The following DEPTOR variants were observed in gnomAD, a reference collection of about 807,000 sequenced individuals.
DEPTOR encodes the protein DEP domain-containing mTOR-interacting protein.
A neutral mutation model predicts 41.6 loss-of-function variants in DEPTOR; 41 were observed. The ratio of observed to expected loss-of-function variants is 0.98; its 90% CI spans 0.77 to 1.28. DEPTOR has a LOEUF of 1.28. DEPTOR is among the 50% of genes most tolerant of loss of function. The probability of loss-of-function intolerance (pLI) is 0.00; values close to 1 mark genes in which losing one functional copy is unlikely to be tolerated. For synonymous variants in DEPTOR, 195 were observed against 192.3 expected (o/e 1.01, Z -0.12); for missense variants, 514 against 527.9 (o/e 0.97, Z 0.26).
At position 119,974,235 on chromosome 8, in the gene DEPTOR, TAAAAAAAAAAAAAA is replaced by T. The variant is rs35885551; in HGVS notation, c.604+8840_604+8853del. ...GAAACATAGTGAGATCTTGTCTCTT[TAAAAAAAAAAAAAA>T]AAAAAAAAAAAAAAGAGAAAGAAGG... On this transcript the variant is annotated intron_variant, in intron 4 of 8. Transcript: ENST00000286234. Among the ~76,000 whole-genome samples the T allele has an allele frequency of 3.9e-4, 29 of 74,910 alleles. No homozygotes were observed. In the East Asian group the frequency reaches 5.7e-3, roughly 15 times the overall value. 49.1% of individuals were successfully genotyped at this position (74,910 alleles called of 152,430 possible). A position where few individuals can be genotyped will look rare whatever the true frequency, so the allele number is the denominator to read the frequency against.
intron 4 of DEPTOR, among the ~76,000 whole-genome samples, chr8:119,974,216 T>C (rs1175741358): frequency 9.5e-6 from 1 of 105,524 alleles, no homozygotes; most frequent in Non-Finnish European, 1.7e-5. Context: ...CTGGGAAACA[T>C]AGTGAGATCT....
intron 8 of DEPTOR, among the ~76,000 whole-genome samples, chr8:120,019,682 G>A (rs944394930): frequency 6.6e-6 from 1 of 152,190 alleles, no homozygotes; most frequent in Non-Finnish European, 1.5e-5. Context: ...CCCTCATGCC[G>A]GTCAGCCATG....
chr8:120,009,086 AT>A lies in DEPTOR; in HGVS notation c.1055del (p.Ile352ThrfsTer4). Reference sequence around the variant, plus strand: ...GGTGCGAGGAAGTAAGCCATGCCACATCCAGGCTGTAGACCCCAGTGGCCCT... The same window carrying A: ...GGTGCGAGGAAGTAAGCCATGCCACACCAGGCTGTAGACCCCAGTGGCCCT... ...FVVRGSKPCH[I>X]QAVDPSGPAA... is the part of the protein sequence containing the mutation. On this transcript the variant is annotated frameshift_variant, in exon 8 of 9. Transcript: ENST00000286234. LOFTEE classifies it high-confidence loss of function. 1.2e-6 allele frequency: 2 copies of A among 1,614,086 alleles called. No homozygotes were observed. The highest frequency in any genetic ancestry group is 8.5e-7 in the Non-Finnish European group (1 of 1,180,018).
chr8:120,018,354 G>T (rs1338750431), intron 8 of DEPTOR, among the ~76,000 whole-genome samples: 1 of 152,174 alleles, frequency 6.6e-6, no homozygotes, highest in Non-Finnish European at 1.5e-5. Flanking sequence ...GAGGCAGGCG[G>T]ATCACCTGAG....
At chr8:119,925,890 G>T (rs977954383) in intron 1 of DEPTOR, among the ~76,000 whole-genome samples, 2 of 152,214 alleles carry the variant, frequency 1.3e-5, no homozygotes, top group Non-Finnish European at 2.9e-5. Flanking sequence ...CTCCCAAAGT[G>T]CTGGGATTAC....
intron 3 of DEPTOR, among the ~76,000 whole-genome samples, chr8:119,949,932 A>G (rs1828331820): frequency 6.6e-6 from 1 of 152,264 alleles, no homozygotes; most frequent in South Asian, 2.1e-4. Flanking sequence ...CACCCACCTC[A>G]GCCTCCTAAA....
chr8:119,989,859 C>G (rs1196350319), intron 4 of DEPTOR, among the ~76,000 whole-genome samples: 4 of 152,144 alleles, frequency 2.6e-5, no homozygotes, highest in African/African-American at 9.7e-5. Flanking sequence ...CTATTACGTG[C>G]TTGTTAAGTA....
Position 119,929,886 on chromosome 8 carries a change from C to G in DEPTOR, c.373C>G (p.Pro125Ala). 6.2e-7 allele frequency: 1 copy of G among 1,613,814 alleles called. No homozygotes were observed. The highest frequency in any genetic ancestry group is 8.5e-7 in the Non-Finnish European group (1 of 1,179,856). The change falls in exon 3 of 9, where the codon CCA becomes GCA. Residue 125 changes from proline (P) to alanine (A), a missense_variant. Coordinates refer to ENST00000286234, the MANE Select transcript of DEPTOR (RefSeq NM_022783.4). ...CTTTAGAAAGGATGACGGCACCTTCCCATTGGATAATGAAGTGAAGGCCTT... is the reference window on the plus strand; with the variant it reads ...CTTTAGAAAGGATGACGGCACCTTCGCATTGGATAATGAAGTGAAGGCCTT... ...YRFRKDDGTFPLDNEVKAFMR... is the reference protein window; with the variant it reads ...YRFRKDDGTFALDNEVKAFMR...
At chr8:120,029,140 A>G (rs1234201826) in intron 8 of DEPTOR, among the ~76,000 whole-genome samples, 1 of 151,906 alleles carries the variant, frequency 6.6e-6, no homozygotes, top group Non-Finnish European at 1.5e-5. Context: ...TACTTGTGCC[A>G]TATGACATGC....
intron 1 of DEPTOR, among the ~76,000 whole-genome samples, chr8:119,904,965 C>CTTTTTTTT (rs71304920): frequency 4.1e-4 from 35 of 85,974 alleles, no homozygotes; most frequent in East Asian, 5.2e-4. Flanking sequence ...CTAATTTTTG[C>CTTTTTTTT]TTTTTTTTTT....
Position 119,951,062 on chromosome 8 carries a change from C to T in DEPTOR, c.426-14170C>T, listed in dbSNP as rs377339622. ...ACGGGGTTAGACACTATCTAATATA[C>T]ACACACACAAACACACACACACACA... On this transcript the variant is annotated intron_variant, in intron 3 of 8. Transcript: ENST00000286234. Among the ~76,000 whole-genome samples, 660 of 127,658 alleles carry T rather than the reference C, an allele frequency of 5.2e-3. 8 individuals carry two copies. Among genetic ancestry groups the T allele is most frequent in the African/African-American group, 0.017 (614 of 35,196 alleles). 83.7% of individuals were successfully genotyped at this position (127,658 alleles called of 152,430 possible).
chr8:119,905,784 A>G (rs953037891), intron 1 of DEPTOR, among the ~76,000 whole-genome samples: 2 of 152,034 alleles, frequency 1.3e-5, no homozygotes, highest in Middle Eastern at 3.2e-3. Flanking sequence ...CTTGGACTAC[A>G]GGAACATGTC....
chr8:119,947,299 C>T (rs552725528), intron 3 of DEPTOR, among the ~76,000 whole-genome samples: 1 of 152,292 alleles, frequency 6.6e-6, no homozygotes, highest in African/African-American at 2.4e-5. Context: ...CTGTTTTGTA[C>T]TCATTATATT....
intron 1 of DEPTOR, among the ~76,000 whole-genome samples, chr8:119,881,230 G>A (rs951930384): frequency 2.0e-5 from 3 of 152,104 alleles, no homozygotes; most frequent in Non-Finnish European, 4.4e-5. Flanking sequence ...TCAGAAAAAA[G>A]GTAAAAACAG....
chr8:119,884,579 T>C (rs1420768516), intron 1 of DEPTOR, among the ~76,000 whole-genome samples: 2 of 151,940 alleles, frequency 1.3e-5, no homozygotes, highest in Non-Finnish European at 2.9e-5. Flanking sequence ...GCTTTTTTTT[T>C]TTTTCATGTT....
chr8:120,016,283 A>C (rs753434095), intron 8 of DEPTOR, among the ~76,000 whole-genome samples: 4 of 151,752 alleles, frequency 2.6e-5, no homozygotes, highest in African/African-American at 7.3e-5. Flanking sequence ...TTAGAATTTC[A>C]ATGTATGAAT....
intron 8 of DEPTOR, among the ~76,000 whole-genome samples, chr8:120,020,879 C>G (rs1002618934): frequency 2.0e-5 from 3 of 151,630 alleles, no homozygotes; most frequent in African/African-American, 7.3e-5. Context: ...GCCAATGTGG[C>G]GAAACGCTGT....
intron 3 of DEPTOR, among the ~76,000 whole-genome samples, chr8:119,950,850 G>A (rs1414959300): frequency 1.3e-5 from 2 of 151,978 alleles, no homozygotes; most frequent in African/African-American, 2.4e-5. Context: ...TGCCCACCTC[G>A]GCCTCCCAAA....
intron 1 of DEPTOR, 117 bp from the exon 2 acceptor site, chr8:119,928,283 T>C (rs1827987979): frequency 6.4e-6 from 7 of 1,093,248 alleles, no homozygotes; most frequent in Admixed American, 2.5e-5. Context: ...GAGCTAAAGA[T>C]ATTCAATGAC....
Sources: allele counts gnomAD v4.1 joint callset (sites outside exome capture counted in the v4.1 genomes callset), GRCh38; gene constraint gnomAD v4.1.1; transcripts MANE v1.5; gene names NCBI Gene and HGNC (gene_info 2026-07-23, HGNC 2026-07-21).